The following HTR7 variants were observed in gnomAD, a reference collection of about 807,000 sequenced individuals.
The protein encoded by HTR7 is 5-hydroxytryptamine receptor 7, also known as 5-HT-7.
Under a neutral mutation model 34.0 loss-of-function variants are expected in HTR7, and 16 were observed. The ratio of observed to expected loss-of-function variants is 0.47; its 90% confidence interval spans 0.32 to 0.71. The LOEUF (loss-of-function observed/expected upper bound fraction) is 0.71. HTR7 is among the 30% of genes least tolerant of loss of function. The pLI is 0.04. For synonymous variants in HTR7, 265 were observed against 260.2 expected (o/e 1.02, Z -0.18); for missense variants, 504 against 625.5 (o/e 0.81, Z 2.07).
chr10:90,764,356 T>G (rs1844985205), intron 1 of HTR7, among the ~76,000 whole-genome samples: 1 of 152,236 alleles, frequency 6.6e-6, no homozygotes, highest in Non-Finnish European at 1.5e-5. Context: ...TTCTGGATAT[T>G]AGACCCTTGT....
At chr10:90,791,658 A>T (rs1845462114) in intron 1 of HTR7, among the ~76,000 whole-genome samples, 1 of 152,156 alleles carries the variant, frequency 6.6e-6, no homozygotes, top group Admixed American at 6.5e-5. Context: ...ACTATGTCAA[A>T]TGAGCCCAGA....
At chr10:90,748,490 A>C (rs1300914013) in intron 2 of HTR7, among the ~76,000 whole-genome samples, 2 of 152,250 alleles carry the variant, frequency 1.3e-5, no homozygotes, top group Non-Finnish European at 2.9e-5. Context: ...TGGACAGAAG[A>C]ATAATAACAA....
intron 1 of HTR7, among the ~76,000 whole-genome samples, chr10:90,835,962 A>G (rs559207753): frequency 6.6e-6 from 1 of 152,172 alleles, no homozygotes; most frequent in Non-Finnish European, 1.5e-5. Flanking sequence ...GGAAGTACAC[A>G]AGGAAAGGGC....
intron 1 of HTR7, among the ~76,000 whole-genome samples, chr10:90,795,732 TAC>T (rs1463901192): frequency 6.6e-6 from 1 of 152,142 alleles, no homozygotes; most frequent in Non-Finnish European, 1.5e-5. Context: ...GTGTTTGGGG[TAC>T]AGCTTGCCTT....
intron 1 of HTR7, among the ~76,000 whole-genome samples, chr10:90,773,607 C>A (rs1447610890): frequency 3.9e-5 from 6 of 152,076 alleles, no homozygotes; most frequent in African/African-American, 1.4e-4. Context: ...TGCTCTCCAA[C>A]CCCCACTACT....
At chr10:90,850,873 G>A (rs565481510) in intron 1 of HTR7, among the ~76,000 whole-genome samples, 1 of 152,220 alleles carries the variant, frequency 6.6e-6, no homozygotes, top group South Asian at 2.1e-4. Context: ...ATATAGAAAA[G>A]AGTAAGAAAT....
intron 1 of HTR7, among the ~76,000 whole-genome samples, chr10:90,830,789 G>GAAAAAAAAAAAA (rs770904900): frequency 1.2e-5 from 1 of 83,808 alleles, no homozygotes; most frequent in African/African-American, 4.4e-5. Flanking sequence ...CCCTGTCTCA[G>GAAAAAAAAAAAA]AAAAAAAAAA....
chr10:90,849,859 G>A (rs553360820), intron 1 of HTR7, among the ~76,000 whole-genome samples: 55 of 152,264 alleles, frequency 3.6e-4, no homozygotes, highest in Non-Finnish European at 5.1e-4. Flanking sequence ...TATGATGCCC[G>A]AAAGCATCAA....
intron 1 of HTR7, among the ~76,000 whole-genome samples, chr10:90,815,557 C>A (rs1845885861): frequency 6.6e-6 from 1 of 151,964 alleles, no homozygotes; most frequent in Non-Finnish European, 1.5e-5. Context: ...GAGAACAACA[C>A]ATGCTGGGGC....
rs376107560 is a variant in HTR7, at chr10:90,747,089, C to G, written c.1295+1750G>C. On this transcript the variant is annotated intron_variant, in intron 2 of 3. Transcript: ENST00000336152. ...TCATATCACAGCTACCACTTAGGGACTGTGTGAACATAGGTCAGTTACTTT... is the reference window on the plus strand; with the variant it reads ...TCATATCACAGCTACCACTTAGGGAGTGTGTGAACATAGGTCAGTTACTTT... Among the ~76,000 whole-genome samples the G allele has an allele frequency of 7.9e-5, 12 of 152,198 alleles. No individual in the cohort carries two copies. In the South Asian group the frequency reaches 1.2e-3, roughly 16 times the overall value.
intron 1 of HTR7, among the ~76,000 whole-genome samples, chr10:90,780,536 C>T (rs369684150): frequency 1.4e-5 from 1 of 70,950 alleles, no homozygotes; most frequent in Non-Finnish European, 3.0e-5. Flanking sequence ...GACTCCATCT[C>T]AAAAAAAAAA....
chr10:90,750,406 G>A (rs1289207593), intron 1 of HTR7, among the ~76,000 whole-genome samples: 1 of 152,168 alleles, frequency 6.6e-6, no homozygotes, highest in East Asian at 1.9e-4. Flanking sequence ...GATTTGTAAT[G>A]CAAACAAGTC....
At chr10:90,756,199 A>T (rs1844830829) in intron 1 of HTR7, among the ~76,000 whole-genome samples, 1 of 152,208 alleles carries the variant, frequency 6.6e-6, no homozygotes, top group African/African-American at 2.4e-5. Flanking sequence ...GGGGAAGAGG[A>T]AGTCCTAAGC....
chr10:90,793,402 T>A (rs1368960618), intron 1 of HTR7, among the ~76,000 whole-genome samples: 3 of 151,212 alleles, frequency 2.0e-5, no homozygotes, highest in African/African-American at 7.3e-5. Context: ...ATTCCAGGAA[T>A]GCAAGAAGAG....
At chr10:90,788,277 G>T (rs1006623724) in intron 1 of HTR7, among the ~76,000 whole-genome samples, 6 of 152,060 alleles carry the variant, frequency 3.9e-5, no homozygotes, top group African/African-American at 1.4e-4. Flanking sequence ...GAAACACCTA[G>T]TACATAAACA....
At chr10:90,776,801 A>G (rs191538708) in intron 1 of HTR7, among the ~76,000 whole-genome samples, 2 of 152,338 alleles carry the variant, frequency 1.3e-5, no homozygotes, top group Non-Finnish European at 2.9e-5. Context: ...TATGGTATAC[A>G]GACTATAATA....
chr10:90,741,332 T>C lies in HTR7; in HGVS notation c.*1150A>G, dbSNP rs552838087. 3 of 152,748 alleles carry C rather than the reference T, an allele frequency of 2.0e-5. No individual in the cohort carries two copies. In the South Asian group the frequency reaches 6.2e-4, roughly 32 times the overall value. 9.5% of individuals were successfully genotyped at this position (152,748 alleles called of 1,614,324 possible). The stretch of plus-strand genomic sequence containing the variant: ...CTGCAAAGAGACCTTTTCTGTTTCC[T>C]CACCTGCCTTTCATGTCTACCATTT... On this transcript the variant is annotated 3_prime_UTR_variant, in exon 4 of 4. Coordinates refer to ENST00000336152, the MANE Select transcript of HTR7 (RefSeq NM_019859.4).
chr10:90,800,436 C>T (rs1263156837), intron 1 of HTR7, among the ~76,000 whole-genome samples: 1 of 152,092 alleles, frequency 6.6e-6, no homozygotes. Context: ...TTAGCCACGC[C>T]TTACTATACT....
chr10:90,793,536 C>A (rs79404075), intron 1 of HTR7, among the ~76,000 whole-genome samples: 73 of 132,636 alleles, frequency 5.5e-4, no homozygotes, highest in Middle Eastern at 3.9e-3. Flanking sequence ...TAAGAAAGCT[C>A]AAAAAAAAAA....
Sources: gnomAD v4.1 joint callset for allele counts (sites outside exome capture counted in the v4.1 genomes callset) on GRCh38, gnomAD v4.1.1 for gene constraint, MANE v1.5 for transcripts, NCBI Gene and HGNC (gene_info 2026-07-23, HGNC 2026-07-21) for gene names.